The following CDH10 variants were observed in gnomAD, a reference collection of about 807,000 sequenced individuals.
CDH10 encodes the protein cadherin-10.
In CDH10, 30 loss-of-function variants were observed where a neutral mutation model predicts 73.1. That is an observed-to-expected ratio of 0.41 (90% confidence interval 0.31 to 0.56). CDH10 has a LOEUF of 0.56. CDH10 is among the 20% of genes least tolerant of loss of function. The pLI is 0.27. For missense variants in CDH10, 815 were observed against 973.7 expected (o/e 0.84, Z 2.17); for synonymous variants, 345 against 348.2 (o/e 0.99, Z 0.10).
intron 2 of CDH10, among the ~76,000 whole-genome samples, chr5:24,569,347 T>C (rs1039401650): frequency 1.2e-4 from 19 of 152,122 alleles, no homozygotes; most frequent in African/African-American, 4.6e-4. Context: ...ATTAATAAAC[T>C]GTACACTTAA....
At chr5:24,553,392 T>C (rs767917220) in intron 2 of CDH10, among the ~76,000 whole-genome samples, 3 of 152,154 alleles carry the variant, frequency 2.0e-5, no homozygotes, top group Admixed American at 6.6e-5. Flanking sequence ...ATTGTCCCTC[T>C]GCTCCATTTT....
At chr5:24,507,464 A>G (rs1742738170) in intron 7 of CDH10, among the ~76,000 whole-genome samples, 1 of 151,606 alleles carries the variant, frequency 6.6e-6, no homozygotes, top group Non-Finnish European at 1.5e-5. Flanking sequence ...TTGCATCCTC[A>G]TTAACTATTT....
intron 2 of CDH10, among the ~76,000 whole-genome samples, chr5:24,541,719 T>C (rs1744165990): frequency 6.6e-6 from 1 of 152,102 alleles, no homozygotes; most frequent in Admixed American, 6.6e-5. Flanking sequence ...TTCTTCAGTG[T>C]GAAACATTTG....
chr5:24,525,737 G>A (rs901566407), intron 5 of CDH10, among the ~76,000 whole-genome samples: 1 of 151,984 alleles, frequency 6.6e-6, no homozygotes, highest in Non-Finnish European at 1.5e-5. Flanking sequence ...CTGGAGATAC[G>A]ATCATCAACT....
intron 1 of CDH10, among the ~76,000 whole-genome samples, chr5:24,616,278 A>C (rs1014201022): frequency 1.1e-4 from 17 of 152,170 alleles, no homozygotes; most frequent in African/African-American, 3.9e-4. Flanking sequence ...TAAGTGAATA[A>C]CTTCTGCATT....
chr5:24,491,430 T>C (rs900686808), intron 11 of CDH10, 146 bp downstream of exon 11: 1 of 636,894 alleles, frequency 1.6e-6, no homozygotes, highest in Non-Finnish European at 2.7e-6. Flanking sequence ...AAATAAAGTA[T>C]TTTAATATAA....
At chr5:24,516,897 A>C (rs1743129337) in intron 5 of CDH10, among the ~76,000 whole-genome samples, 1 of 151,862 alleles carries the variant, frequency 6.6e-6, no homozygotes. Context: ...TTAAAAATTA[A>C]AAAAATACAT....
intron 1 of CDH10, among the ~76,000 whole-genome samples, chr5:24,629,549 T>G (rs1240874602): frequency 6.6e-6 from 1 of 150,968 alleles, no homozygotes; most frequent in East Asian, 1.9e-4. Context: ...GGCTTTGTGT[T>G]CCCACCCAAA....
At chr5:24,579,264 T>A (rs1745707358) in intron 2 of CDH10, among the ~76,000 whole-genome samples, 1 of 151,794 alleles carries the variant, frequency 6.6e-6, no homozygotes. Context: ...AGGAACAAAA[T>A]AAGAATTCTC....
intron 5 of CDH10, among the ~76,000 whole-genome samples, chr5:24,516,434 C>T (rs956934867): frequency 1.3e-5 from 2 of 151,850 alleles, no homozygotes; most frequent in African/African-American, 4.8e-5. Flanking sequence ...AGTGATCTTA[C>T]TGGCAACAAT....
chr5:24,589,290 G>T (rs1746125818), intron 2 of CDH10, among the ~76,000 whole-genome samples: 1 of 152,142 alleles, frequency 6.6e-6, no homozygotes, highest in South Asian at 2.1e-4. Context: ...GATCTTGTTA[G>T]AAGTCTACAC....
intron 1 of CDH10, among the ~76,000 whole-genome samples, chr5:24,604,056 A>G (rs1746663432): frequency 6.6e-6 from 1 of 152,206 alleles, no homozygotes; most frequent in South Asian, 2.1e-4. Flanking sequence ...AAATAAAAAT[A>G]AAAATTAAAA....
chr5:24,584,847 C>CT lies in CDH10; in HGVS notation c.231+8412dup, dbSNP rs77069649. Among the ~76,000 whole-genome samples, 816 of 148,018 alleles carry CT rather than the reference C, an allele frequency of 5.5e-3. 9 individuals carry two copies. The highest frequency in any genetic ancestry group is 0.019 in the African/African-American group (758 of 40,202). The stretch of plus-strand genomic sequence containing the variant: ...TAGTTGTTCATCATTTCAAATATAG[C>CT]TTTTTTTTTTCCCCCCTGATACAAG... On this transcript the variant is annotated intron_variant, in intron 2 of 11. Transcript: ENST00000264463.
At position 24,487,600 on chromosome 5, in the gene CDH10, G is replaced by T. The variant is rs2111596381; in HGVS notation, c.*63C>A. ...AAAATGCTCCTGAATATCAAATATT[G>T]TGAAGTGGAGACAGCATGGGTAGAG... On this transcript the variant is annotated 3_prime_UTR_variant, in exon 12 of 12. Transcript: ENST00000264463. 1 of 1,472,836 alleles carries T rather than the reference G, an allele frequency of 6.8e-7. No individual in the cohort carries two copies. The highest frequency in any genetic ancestry group is 9.2e-7 in the Non-Finnish European group (1 of 1,091,598). 91.2% of individuals were successfully genotyped at this position (1,472,836 alleles called of 1,614,324 possible).
At chr5:24,553,585 A>C (rs1744628633) in intron 2 of CDH10, among the ~76,000 whole-genome samples, 1 of 152,166 alleles carries the variant, frequency 6.6e-6, no homozygotes, top group Non-Finnish European at 1.5e-5. Context: ...ACAAAATTTT[A>C]ATTTCCAAAG....
chr5:24,590,595 A>C lies in CDH10; in HGVS notation c.231+2665T>G, dbSNP rs1400212123. Among the ~76,000 whole-genome samples, 4 of 152,126 alleles carry C rather than the reference A, an allele frequency of 2.6e-5. No homozygotes were observed. The East Asian group carries it at 7.7e-4, about 29-fold the overall frequency. On this transcript the variant is annotated intron_variant, in intron 2 of 11. Coordinates refer to ENST00000264463, the MANE Select transcript of CDH10 (RefSeq NM_006727.5). The stretch of plus-strand genomic sequence containing the variant: ...CTCTACTTTAACCCAATGAGCAGTA[A>C]TGGGATTTTCGTTTTGCTTTAACCA...
chr5:24,556,022 G>C (rs1162531932), intron 2 of CDH10, among the ~76,000 whole-genome samples: 1 of 152,108 alleles, frequency 6.6e-6, no homozygotes, highest in Non-Finnish European at 1.5e-5. Flanking sequence ...TATTAGCAGA[G>C]GTGGGTGTAA....
intron 2 of CDH10, among the ~76,000 whole-genome samples, chr5:24,540,400 A>T (rs1355146044): frequency 2.0e-5 from 3 of 151,952 alleles, no homozygotes; most frequent in African/African-American, 7.2e-5. Flanking sequence ...TGAGATTTTA[A>T]TTTTTAGAAA....
chr5:24,592,903 AAT>A (rs10533669), intron 2 of CDH10, among the ~76,000 whole-genome samples: 58,114 of 148,212 alleles, frequency 0.39, 11,437 homozygotes, highest in Admixed American at 0.48. Context: ...AGCAATGTGA[AAT>A]ATATATATAT....
Sources: allele counts gnomAD v4.1 joint callset (sites outside exome capture counted in the v4.1 genomes callset), GRCh38; gene constraint gnomAD v4.1.1; transcripts MANE v1.5; gene names NCBI Gene and HGNC (gene_info 2026-07-23, HGNC 2026-07-21).